The following LAMP2 variants were observed in gnomAD, a reference collection of about 807,000 sequenced individuals.
LAMP2 encodes the protein lysosome associated membrane protein 2.
Under a neutral mutation model 25.6 loss-of-function variants are expected in LAMP2, and 4 were observed. The observed-to-expected ratio is 0.16, with a 90% CI of 0.08 to 0.36. The LOEUF (loss-of-function observed/expected upper bound fraction) is 0.36, where lower values mean the gene tolerates loss of function less well. Among genes scored for constraint, LAMP2 ranks in the 10% least tolerant of loss-of-function variants. The probability of loss-of-function intolerance (pLI) is 1.00; values close to 1 mark genes in which losing one functional copy is unlikely to be tolerated. For missense variants in LAMP2, 272 were observed against 301.4 expected (o/e 0.90, Z 0.72); for synonymous variants, 108 against 112.7 (o/e 0.96, Z 0.27).
chrX:120,462,519 C>CAAAA lies in LAMP2; in HGVS notation c.65-5754_65-5751dup, dbSNP rs199797977. Reference sequence around the variant, plus strand: ...CTGGGGGAATGGAACAAGACCCTGTCAAAAAAAAAAAAAAAAACCTCTCAC... The same window carrying CAAAA: ...CTGGGGGAATGGAACAAGACCCTGTCAAAAAAAAAAAAAAAAAAAAACCTCTCAC... On this transcript the variant is annotated intron_variant, in intron 1 of 8. Transcript: ENST00000200639. Among the ~76,000 whole-genome samples, 348 of 61,489 alleles carry CAAAA rather than the reference C, an allele frequency of 5.7e-3. 4 individuals carry two copies. Among genetic ancestry groups the CAAAA allele is most frequent in the South Asian group, 0.034 (34 of 1,002 alleles). The allele number at this position is 61,489 out of a possible 115,157, so 53.4% of individuals were successfully genotyped here. A position where few individuals can be genotyped will look rare whatever the true frequency, so the allele number is the denominator to read the frequency against.
chrX:120,449,367 C>A (rs1021152880), intron 3 of LAMP2, among the ~76,000 whole-genome samples: 4 of 112,390 alleles, frequency 3.6e-5, no homozygotes, highest in African/African-American at 1.3e-4. Flanking sequence ...GTAATCCCAG[C>A]ACTTTGGGAG....
At chrX:120,461,241 G>C (rs1306012924) in intron 1 of LAMP2, among the ~76,000 whole-genome samples, 1 of 111,735 alleles carries the variant, frequency 8.9e-6, no homozygotes, top group African/African-American at 3.2e-5. Context: ...TATGCTATCT[G>C]TTTTTTCAGT....
At chrX:120,440,384 C>T (rs924924976) in intron 8 of LAMP2, among the ~76,000 whole-genome samples, 3 of 111,825 alleles carry the variant, frequency 2.7e-5, no homozygotes, top group Middle Eastern at 4.6e-3. Flanking sequence ...ACTCTTCTGC[C>T]TTATTGCAAT....
chrX:120,429,772 T>C lies in LAMP2; in HGVS notation c.*1551A>G. On this transcript the variant is annotated 3_prime_UTR_variant, in exon 9 of 9. Coordinates refer to ENST00000200639, the MANE Select transcript of LAMP2 (RefSeq NM_002294.3). ...TATCAAAATGCTAGTAATAGTTTTGTTGCCCACTTGATATGGAACCTCAAT... is the reference window on the plus strand; with the variant it reads ...TATCAAAATGCTAGTAATAGTTTTGCTGCCCACTTGATATGGAACCTCAAT... 1.3e-6 allele frequency: 1 copy of C among 754,269 alleles called. No homozygotes were observed. The highest frequency in any genetic ancestry group is 1.6e-6 in the Non-Finnish European group (1 of 639,252). 62.2% of individuals were successfully genotyped at this position (754,269 alleles called of 1,213,427 possible).
At position 120,431,248 on chromosome X, in the gene LAMP2, G is replaced by T. The variant is rs768475790; in HGVS notation, c.*75C>A. On this transcript the variant is annotated 3_prime_UTR_variant, in exon 9 of 9. Transcript: ENST00000200639. ...CAACATATCAATTTTAAGAAGCAAAGTGTTTCAACAACTGAGAGGTAAGAA... is the reference window on the plus strand; with the variant it reads ...CAACATATCAATTTTAAGAAGCAAATTGTTTCAACAACTGAGAGGTAAGAA... 8.4e-7 allele frequency: 1 copy of T among 1,197,076 alleles called. No homozygotes were observed. Among genetic ancestry groups the T allele is most frequent in the Non-Finnish European group, 1.1e-6 (1 of 883,962 alleles).
chrX:120,451,550 C>T (rs894614607), intron 3 of LAMP2, among the ~76,000 whole-genome samples: 2 of 111,166 alleles, frequency 1.8e-5, no homozygotes, highest in Admixed American at 9.6e-5. Context: ...CCGCAACCTC[C>T]GCCTCCCAGG....
intron 1 of LAMP2, 49 bp downstream of exon 1, chrX:120,469,057 T>C (rs903233674): frequency 8.7e-7 from 1 of 1,151,426 alleles, no homozygotes. Flanking sequence ...TTTGAACTGG[T>C]GCCCCGGGCC....
intron 8 of LAMP2, among the ~76,000 whole-genome samples, chrX:120,433,253 C>T (rs1472199754): frequency 1.8e-5 from 2 of 111,265 alleles, no homozygotes; most frequent in Non-Finnish European, 3.8e-5. Flanking sequence ...AGTAAAATTG[C>T]TGCAGGTTTA....
chrX:120,467,198 G>A (rs16995860), intron 1 of LAMP2, among the ~76,000 whole-genome samples: 4,716 of 109,467 alleles, frequency 0.043, 127 homozygotes, highest in African/African-American at 0.093. Flanking sequence ...ACAGACGCAT[G>A]AAAAGGTCCT....
In LAMP2 at chrX:120,459,071, C is replaced by A. The variant is rs756899344; in HGVS notation, c.65-2302G>T. 2.7e-5 allele frequency among the ~76,000 whole-genome samples: 3 copies of A among 112,042 alleles called. No individual in the cohort carries two copies. In the East Asian group the frequency reaches 8.4e-4, roughly 31 times the overall value. On this transcript the variant is annotated intron_variant, in intron 1 of 8. Transcript: ENST00000200639. ...GTCCCATCCTATTCCTTCAACTTTT[C>A]TCAAACTATTTTCCCAGAGCACACC...
At position 120,430,921 on chromosome X, in the gene LAMP2, C is replaced by T; in HGVS notation, c.*402G>A. ...AGTTTAAATCACTATAGTCCTTATA[C>T]ATTGAAACAGAACACCAGTAGTGAA... On this transcript the variant is annotated 3_prime_UTR_variant, in exon 9 of 9. Transcript: ENST00000200639. 1.2e-6 allele frequency: 1 copy of T among 809,167 alleles called. No individual in the cohort carries two copies. The highest frequency in any genetic ancestry group is 6.7e-5 in the Admixed American group (1 of 14,878). The allele number at this position is 809,167 out of a possible 1,213,427, so 66.7% of individuals were successfully genotyped here.
chrX:120,461,566 G>A (rs1160005404), intron 1 of LAMP2, among the ~76,000 whole-genome samples: 2 of 111,558 alleles, frequency 1.8e-5, no homozygotes, highest in African/African-American at 3.2e-5. Context: ...TCTGTCACTC[G>A]TTTGAACTCC....
At chrX:120,455,650 C>T in intron 2 of LAMP2, 80 bp from the exon 3 acceptor site, 1 of 767,446 alleles carries the variant, frequency 1.3e-6, no homozygotes, top group East Asian at 3.2e-5. Flanking sequence ...CATGCCACTT[C>T]AGCCTAAATC....
intron 6 of LAMP2, among the ~76,000 whole-genome samples, chrX:120,443,763 T>C (rs1357143604): frequency 9.0e-6 from 1 of 111,707 alleles, no homozygotes; most frequent in African/African-American, 3.3e-5. Flanking sequence ...AGGCAGACCA[T>C]GAGGTCAGGA....
intron 5 of LAMP2, 65 bp downstream of exon 5, chrX:120,447,776 G>T: frequency 1.1e-6 from 1 of 952,198 alleles, no homozygotes. Flanking sequence ...TGGGCTGAAG[G>T]TAGGATACGC....
At chrX:120,452,039 C>T (rs1443704553) in intron 3 of LAMP2, among the ~76,000 whole-genome samples, 1 of 111,331 alleles carries the variant, frequency 9.0e-6, no homozygotes, top group Non-Finnish European at 1.9e-5. Context: ...GCATTTATTA[C>T]ATCAGCCCTT....
At chrX:120,458,534 C>T (rs2147288700) in intron 1 of LAMP2, among the ~76,000 whole-genome samples, 1 of 111,776 alleles carries the variant, frequency 8.9e-6, no homozygotes, top group East Asian at 2.8e-4. Flanking sequence ...GGTTCTGGCA[C>T]ACTCTGTTCC....
chrX:120,434,401 G>T lies in LAMP2; in HGVS notation c.1094-2939C>A, dbSNP rs760153938. ...TACTTAAAATGCTCTCAATTAGTAT[G>T]TGAAATATTAATTTATAATAACTAT... On this transcript the variant is annotated intron_variant, in intron 8 of 8. Coordinates refer to ENST00000200639, the MANE Select transcript of LAMP2 (RefSeq NM_002294.3). Among the ~76,000 whole-genome samples the T allele has an allele frequency of 2.6e-3, 292 of 112,044 alleles. 3 individuals are homozygous for T. The highest frequency in any genetic ancestry group is 9.1e-3 in the African/African-American group (281 of 30,827).
chrX:120,442,362 T>G (rs747863553), intron 7 of LAMP2, among the ~76,000 whole-genome samples: 1 of 111,278 alleles, frequency 9.0e-6, no homozygotes, highest in East Asian at 2.8e-4. Context: ...GTTTCTATAG[T>G]CTAAAAATCA....
Sources: gnomAD v4.1 joint callset for allele counts (sites outside exome capture counted in the v4.1 genomes callset) on GRCh38, gnomAD v4.1.1 for gene constraint, MANE v1.5 for transcripts, NCBI Gene and HGNC (gene_info 2026-07-23, HGNC 2026-07-21) for gene names.